Variants in CACNA1I observed in about 807,000 individuals in gnomAD.
CACNA1I encodes voltage-dependent T-type calcium channel subunit alpha-1I.
CACNA1I carries 74 observed loss-of-function variants against 201.6 expected under a neutral mutation model. The observed-to-expected ratio is 0.37, with a 90% CI of 0.30 to 0.45. The LOEUF (loss-of-function observed/expected upper bound fraction) is 0.45, where lower values mean the gene tolerates loss of function less well. CACNA1I is among the 20% of genes least tolerant of loss of function. The probability of loss-of-function intolerance (pLI) is 1.00; values close to 1 mark genes in which losing one functional copy is unlikely to be tolerated. For missense variants in CACNA1I, 2,346 were observed against 3,138.1 expected (o/e 0.75, Z 6.03); for synonymous variants, 1,431 against 1,345.2 (o/e 1.06, Z -1.40).
chr22:39,600,362 G>C (rs929796758), intron 2 of CACNA1I, among the ~76,000 whole-genome samples, 158 bp from the exon 3 acceptor site: 8 of 152,084 alleles, frequency 5.3e-5, no homozygotes, highest in Non-Finnish European at 1.0e-4. Context: ...ATTGGACTGG[G>C]ATCACTGAGG....
chr22:39,679,369 G>A lies in CACNA1I; in HGVS notation c.5318G>A (p.Gly1773Asp), dbSNP rs958740018. ...CCTACCGGCTCCCCGGGCGCCCCTG[G>A]CCGAGGGCCGGGAGGGGCGGGCGGC... ...RLPTGSPGAP[G>D]RGPGGAGGGG... is the part of the protein sequence containing the mutation. Residue 1773 changes from glycine (G) to aspartate (D), a missense_variant, in exon 32 of 37, where the codon GGC (glycine) becomes GAC (aspartate). Transcript: ENST00000402142. 3.3e-6 allele frequency: 5 copies of A among 1,533,012 alleles called. No individual in the cohort carries two copies. The highest frequency in any genetic ancestry group is 1.4e-5 in the African/African-American group (1 of 71,732). The allele number at this position is 1,533,012 out of a possible 1,614,324, so 95.0% of individuals were successfully genotyped here.
intron 1 of CACNA1I, among the ~76,000 whole-genome samples, chr22:39,573,405 A>G (rs1932246873): frequency 6.6e-6 from 1 of 151,936 alleles, no homozygotes; most frequent in Admixed American, 6.5e-5. Flanking sequence ...TGCGTCTCTG[A>G]TGGGCTCTGG....
At chr22:39,622,104 C>G (rs1933759001) in intron 4 of CACNA1I, among the ~76,000 whole-genome samples, 1 of 151,760 alleles carries the variant, frequency 6.6e-6, no homozygotes, top group Non-Finnish European at 1.5e-5. Context: ...CCCATGTGCC[C>G]CACCTGACTT....
In CACNA1I at chr22:39,595,349, C is replaced by T. The variant is rs571572648; in HGVS notation, c.237-2802C>T. Among the ~76,000 whole-genome samples, 285 of 152,006 alleles carry T rather than the reference C, an allele frequency of 1.9e-3. 2 individuals carry two copies. The highest frequency in any genetic ancestry group is 6.7e-3 in the African/African-American group (276 of 41,478). ...AATAAAATAAAACAATTAGGCCAGG[C>T]ACAATGGCTCATGCCTGTAATCCCA... On this transcript the variant is annotated intron_variant, in intron 1 of 36. Transcript: ENST00000402142.
intron 21 of CACNA1I, 60 bp downstream of exon 21, chr22:39,664,983 G>C: frequency 1.3e-6 from 2 of 1,513,002 alleles, no homozygotes; most frequent in Non-Finnish European, 1.8e-6. Context: ...AGAAGCCACG[G>C]GTCGAATTGG....
At chr22:39,596,151 AG>A (rs1932882844) in intron 1 of CACNA1I, among the ~76,000 whole-genome samples, 1 of 39,602 alleles carries the variant, frequency 2.5e-5, no homozygotes, top group Non-Finnish European at 4.5e-5. Flanking sequence ...GAGATGGGGG[AG>A]CAGGGTGGAG....
intron 1 of CACNA1I, among the ~76,000 whole-genome samples, chr22:39,574,696 C>T (rs1464086407): frequency 1.3e-5 from 2 of 152,146 alleles, no homozygotes; most frequent in Non-Finnish European, 2.9e-5. Context: ...ATTGTGACTA[C>T]CATAAATGAC....
intron 10 of CACNA1I, among the ~76,000 whole-genome samples, chr22:39,652,622 T>C (rs1934683710): frequency 6.6e-6 from 1 of 152,056 alleles, no homozygotes; most frequent in African/African-American, 2.4e-5. Flanking sequence ...ATCCTGGTTC[T>C]GGCCTGGCTT....
In CACNA1I at chr22:39,647,845, G is replaced by A. The variant is rs1433884368; in HGVS notation, c.1486G>A (p.Asp496Asn). Residue 496 changes from aspartate (D) to asparagine (N), a missense_variant, in exon 9 of 37, where the codon GAT becomes AAT. By Grantham distance (23) the Asp-to-Asn change is conservative (BLOSUM62 1). Coordinates refer to ENST00000402142, the MANE Select transcript of CACNA1I (RefSeq NM_021096.4). ...HYHGKTKGQG[D>N]EGRHLGSRHC... ...AGATGGGAAGACTAAGGGTCAGGGA[G>A]ATGAAGGGAGACATCTCGGAAGCCG... The A allele has an allele frequency of 5.0e-6, 8 of 1,611,410 alleles. No homozygotes were observed. Among genetic ancestry groups the A allele is most frequent in the Middle Eastern group, 3.3e-4 (2 of 6,080 alleles).
intron 1 of CACNA1I, among the ~76,000 whole-genome samples, chr22:39,572,639 C>A (rs1049558785): frequency 6.6e-6 from 1 of 151,992 alleles, no homozygotes; most frequent in African/African-American, 2.4e-5. Flanking sequence ...AGGGTCTGCT[C>A]GGTAATTAGT....
intron 1 of CACNA1I, among the ~76,000 whole-genome samples, chr22:39,597,942 G>T (rs774928475): frequency 3.3e-5 from 5 of 152,212 alleles, no homozygotes; most frequent in African/African-American, 4.8e-5. Flanking sequence ...GGCCTGGTGG[G>T]TTTGGCGCAT....
intron 10 of CACNA1I, among the ~76,000 whole-genome samples, chr22:39,653,175 C>G (rs1934703041): frequency 7.7e-6 from 1 of 130,050 alleles, no homozygotes; most frequent in South Asian, 2.3e-4. Flanking sequence ...CATTGAGAAC[C>G]TGGCGCTTAG....
At chr22:39,579,325 G>A (rs1205054705) in intron 1 of CACNA1I, among the ~76,000 whole-genome samples, 1 of 152,234 alleles carries the variant, frequency 6.6e-6, no homozygotes, top group Non-Finnish European at 1.5e-5. Context: ...GCCATGCCTA[G>A]GGCCACACAC....
intron 1 of CACNA1I, among the ~76,000 whole-genome samples, chr22:39,577,605 C>T (rs1331299093): frequency 1.3e-5 from 2 of 152,230 alleles, no homozygotes; most frequent in East Asian, 1.9e-4. Context: ...ACCTGGACTG[C>T]GCGGAGCACA....
rs746316764 is a variant in CACNA1I at position 39,649,617 on chromosome 22, C to T, written c.1684C>T (p.Arg562Trp). The change falls in exon 10 of 37, where the codon CGG becomes TGG. Residue 562 changes from arginine (R) to tryptophan (W), a missense_variant. Arg to Trp is a moderately radical substitution (Grantham distance 101). Coordinates refer to ENST00000402142, the MANE Select transcript of CACNA1I (RefSeq NM_021096.4). The surrounding 1 kb of genome is among the most constrained non-coding windows in gnomAD (Gnocchi z 7.3). ...SCPCCQHEDG[R>W]RPSGLGSTDS... ...CCCTTGCTGCCAGCATGAGGACGGC[C>T]GGCGGCCCTCGGGCCTGGGCAGCAC... 18 of 1,532,920 alleles carry T rather than the reference C, an allele frequency of 1.2e-5. No homozygotes were observed. Among genetic ancestry groups the T allele is most frequent in the East Asian group, 2.5e-5 (1 of 40,804 alleles). The allele number at this position is 1,532,920 out of a possible 1,614,324, so 95.0% of individuals were successfully genotyped here.
chr22:39,629,533 G>A lies in CACNA1I; in HGVS notation c.581-5032G>A, dbSNP rs866900501. ...TTTATCACAATGATGAATGTATGACGGCCAGGCAGGGCCAGGCAGGACGGA... is the reference window on the plus strand; with the variant it reads ...TTTATCACAATGATGAATGTATGACAGCCAGGCAGGGCCAGGCAGGACGGA... On this transcript the variant is annotated intron_variant, in intron 4 of 36. Transcript: ENST00000402142. This position sits in a 1 kb window ranked among gnomAD's most constrained non-coding sequence, Gnocchi z 4.8. Among the ~76,000 whole-genome samples the A allele has an allele frequency of 1.8e-3, 105 of 57,854 alleles. No homozygotes were observed. In the Middle Eastern group the frequency reaches 0.049, roughly 27 times the overall value. The allele number at this position is 57,854 out of a possible 152,430, so 38.0% of individuals were successfully genotyped here.
chr22:39,619,072 GCTCC>G (rs1399224160), intron 3 of CACNA1I, among the ~76,000 whole-genome samples: 3 of 152,184 alleles, frequency 2.0e-5, no homozygotes, highest in South Asian at 2.1e-4. Flanking sequence ...CAACATCTGT[GCTCC>G]CTTCATGCTC....
At chr22:39,583,219 A>AT (rs1393172615) in intron 1 of CACNA1I, among the ~76,000 whole-genome samples, 1 of 92,674 alleles carries the variant, frequency 1.1e-5, no homozygotes. Context: ...CATCCATCCA[A>AT]CAATCCATCC....
chr22:39,573,344 C>T (rs182860315), intron 1 of CACNA1I, among the ~76,000 whole-genome samples: 119 of 152,228 alleles, frequency 7.8e-4, no homozygotes, highest in Admixed American at 4.7e-3. Context: ...CTGCTCTGGG[C>T]TGGAGGCAGG....
Sources: allele counts gnomAD v4.1 joint callset (sites outside exome capture counted in the v4.1 genomes callset), GRCh38; gene constraint gnomAD v4.1.1; non-coding constraint Gnocchi (gnomAD v3.1); transcripts MANE v1.5; gene names NCBI Gene and HGNC (gene_info 2026-07-23, HGNC 2026-07-21).